ST3GAL2: variants seen among roughly 807,000 people sequenced by gnomAD.
ST3GAL2 encodes CMP-N-acetylneuraminate-beta-galactosamide-alpha-2,3-sialyltransferase 2.
ST3GAL2 carries 16 observed loss-of-function variants against 37.5 expected under a neutral mutation model. That is an observed-to-expected ratio of 0.43 (90% CI 0.29 to 0.65). ST3GAL2 has a LOEUF of 0.65. Ranked by LOEUF, ST3GAL2 falls within the 30% of genes least tolerant of loss-of-function variation. ST3GAL2 has a pLI of 0.17. For synonymous variants in ST3GAL2, 238 were observed against 202.9 expected, an observed-to-expected ratio of 1.17 and a Z score of -1.47; for missense variants, 383 against 487.8, an observed-to-expected ratio of 0.79 and a Z score of 2.02.
In ST3GAL2 at chr16:70,410,016, C is replaced by T. The variant is rs78319289; in HGVS notation, c.-1003-10483G>A. On this transcript the variant is annotated intron_variant, in intron 1 of 6. Transcript: ENST00000342907. ...TCCTGTTCTCAAATGATCCTCCCAA[C>T]GTGGCCTCCCAAAGAGCTGAGATTG... Among the ~76,000 whole-genome samples the T allele has an allele frequency of 7.5e-3, 1,137 of 151,550 alleles. 99 individuals carry two copies. In the East Asian group the frequency reaches 0.18, roughly 24 times the overall value.
chr16:70,408,924 A>AAAAAAAAAAAAAAG (rs2047615018), intron 1 of ST3GAL2, among the ~76,000 whole-genome samples: 1 of 135,366 alleles, frequency 7.4e-6, no homozygotes. Context: ...AAAAAAAAAA[A>AAAAAAAAAAAAAAG]AAAGAAAGAA....
At chr16:70,384,123 A>G (rs1257517818) in intron 4 of ST3GAL2, among the ~76,000 whole-genome samples, 1 of 152,166 alleles carries the variant, frequency 6.6e-6, no homozygotes, top group African/African-American at 2.4e-5. Flanking sequence ...CAAACATGAG[A>G]TAATGAACAT....
At position 70,398,335 on chromosome 16, in the gene ST3GAL2, A is replaced by G; in HGVS notation, c.196T>C (p.Ser66Pro). Residue 66 changes from serine to proline, a missense_variant, in exon 2 of 7, where the codon TCG becomes CCG. This residue lies in a region of ST3GAL2 where 223 missense variants were observed against 239.1 expected (regional missense o/e 0.93). Transcript: ENST00000342907. ...CGGCGACAGGCACAGCTCTTGCCCGAGAGCCTCTCCTTGCTGAGGCGCTGC... is the reference window on the plus strand; with the variant it reads ...CGGCGACAGGCACAGCTCTTGCCCGGGAGCCTCTCCTTGCTGAGGCGCTGC... ...GLQRLSKERLSGKSCACRRCM... is the reference protein window; with the variant it reads ...GLQRLSKERLPGKSCACRRCM... 2 of 1,613,470 alleles carry G rather than the reference A, an allele frequency of 1.2e-6. No individual in the cohort carries two copies. Among genetic ancestry groups the G allele is most frequent in the Non-Finnish European group, 1.7e-6 (2 of 1,180,036 alleles).
chr16:70,429,538 G>A lies in ST3GAL2; in HGVS notation c.-1004+9411C>T, dbSNP rs560077511. Among the ~76,000 whole-genome samples the A allele has an allele frequency of 1.4e-3, 186 of 136,536 alleles. 1 individual carries two copies. Among genetic ancestry groups the A allele is most frequent in the Non-Finnish European group, 2.4e-3 (155 of 65,782 alleles). 89.6% of individuals were successfully genotyped at this position (136,536 alleles called of 152,430 possible). On this transcript the variant is annotated intron_variant, in intron 1 of 6. Coordinates refer to ENST00000342907, the MANE Select transcript of ST3GAL2 (RefSeq NM_006927.4). ...CGGGAGGCGGAGCTTGCAGTGAGCC[G>A]AGATCGCGCCACTGCACTCCAGCCT...
chr16:70,438,793 C>A (rs2047845885), intron 1 of ST3GAL2, among the ~76,000 whole-genome samples, 156 bp downstream of exon 1: 2 of 151,904 alleles, frequency 1.3e-5, no homozygotes, highest in Non-Finnish European at 2.9e-5. Flanking sequence ...CCCGCCCACA[C>A]GAGGGAGCCC....
chr16:70,422,930 T>C (rs1183923672), intron 1 of ST3GAL2: 1 of 152,216 alleles, frequency 6.6e-6, no homozygotes, highest in African/African-American at 2.4e-5. Context: ...AGCGCTATTT[T>C]TGTTTTTCTG....
chr16:70,381,692 G>A lies in ST3GAL2; in HGVS notation c.1050C>T (p.Asn350=). The A allele has an allele frequency of 6.2e-7, 1 of 1,613,340 alleles. No individual in the cohort carries two copies. Among genetic ancestry groups the A allele is most frequent in the Non-Finnish European group, 8.5e-7 (1 of 1,179,674 alleles). The change falls in exon 7 of 7, where the codon AAC becomes AAT. Residue 350 remains asparagine (N), a synonymous_variant. Transcript: ENST00000342907. ...KASKIEVYRG[N] is the part of the protein sequence containing the mutation. ...AAGGGTCGCGGCGAGGCCCGGCTCA[G>A]TTGCCCCGGTAGACTTCGATCTTGC...
chr16:70,407,132 G>C (rs867623871), intron 1 of ST3GAL2, among the ~76,000 whole-genome samples: 4 of 150,996 alleles, frequency 2.6e-5, no homozygotes, highest in Admixed American at 6.6e-5. Context: ...GAGGTGGCAA[G>C]ACAACACTAT....
intron 1 of ST3GAL2, among the ~76,000 whole-genome samples, chr16:70,436,179 G>A (rs4548852): frequency 1.4e-5 from 2 of 146,346 alleles, no homozygotes; most frequent in African/African-American, 2.5e-5. Context: ...TGTAATCCCA[G>A]CACTTTGGGA....
chr16:70,406,060 CAA>C (rs879794963), intron 1 of ST3GAL2, among the ~76,000 whole-genome samples: 5 of 108,338 alleles, frequency 4.6e-5, no homozygotes, highest in Admixed American at 9.5e-5. Flanking sequence ...GACTCCGTCT[CAA>C]AAAAAAAAAA....
At position 70,398,240 on chromosome 16, in the gene ST3GAL2, C is replaced by G; in HGVS notation, c.291G>C (p.Trp97Cys). The change falls in exon 2 of 7, where the codon TGG becomes TGC. Residue 97 changes from tryptophan to cysteine, a missense_variant. Trp to Cys is a radical substitution (Grantham distance 215, BLOSUM62 -2). Transcript: ENST00000342907. ...SHFDGNISPV[W>C]TRENMDLPPD... is the part of the protein sequence containing the mutation. ...GTGGAAGATCCATGTTCTCTCGGGTCCAGACGGGGGAAATGTTACCGTCAA... is the reference window on the plus strand; with the variant it reads ...GTGGAAGATCCATGTTCTCTCGGGTGCAGACGGGGGAAATGTTACCGTCAA... 2.5e-6 allele frequency: 4 copies of G among 1,613,446 alleles called. No individual in the cohort carries two copies. The highest frequency in any genetic ancestry group is 3.4e-6 in the Non-Finnish European group (4 of 1,180,038).
intron 3 of ST3GAL2, 123 bp from the exon 4 acceptor site, chr16:70,388,669 C>G: frequency 1.9e-6 from 2 of 1,052,090 alleles, no homozygotes; most frequent in Non-Finnish European, 2.7e-6. Flanking sequence ...CCTAGCAATT[C>G]CATTGCTAGA....
intron 1 of ST3GAL2, among the ~76,000 whole-genome samples, chr16:70,410,995 T>G (rs2047634712): frequency 6.6e-6 from 1 of 152,070 alleles, no homozygotes; most frequent in African/African-American, 2.4e-5. Flanking sequence ...AGCAAGCCTG[T>G]CCCTTTTTCA....
intron 1 of ST3GAL2, among the ~76,000 whole-genome samples, chr16:70,414,877 T>A (rs576907836): frequency 4.6e-5 from 7 of 150,994 alleles, no homozygotes; most frequent in African/African-American, 7.3e-5. Context: ...TTATTTATTA[T>A]TTATTTATTT....
intron 1 of ST3GAL2, among the ~76,000 whole-genome samples, chr16:70,429,616 T>A (rs1477997494): frequency 8.8e-5 from 11 of 124,314 alleles, no homozygotes; most frequent in East Asian, 2.4e-4. Flanking sequence ...AAAGAGTGAA[T>A]CCCTGAGCAG....
At chr16:70,413,629 C>T (rs935791823) in intron 1 of ST3GAL2, among the ~76,000 whole-genome samples, 2 of 147,804 alleles carry the variant, frequency 1.4e-5, no homozygotes, top group Non-Finnish European at 3.0e-5. Flanking sequence ...CCAGCTACTC[C>T]GGAGGCTGAG....
At chr16:70,399,769 G>A (rs1001629463) in intron 1 of ST3GAL2, 2 of 243,908 alleles carry the variant, frequency 8.2e-6, no homozygotes, top group South Asian at 1.8e-4. Flanking sequence ...GAAGGTAAAC[G>A]AGTCAAGTGA....
intron 2 of ST3GAL2, among the ~76,000 whole-genome samples, chr16:70,395,780 C>G (rs1008100022): frequency 2.0e-5 from 3 of 152,150 alleles, no homozygotes; most frequent in Non-Finnish European, 4.4e-5. Context: ...TGCTTACAGG[C>G]CCAGCAAGTG....
chr16:70,413,713 G>A (rs192021856), intron 1 of ST3GAL2, among the ~76,000 whole-genome samples: 1 of 151,070 alleles, frequency 6.6e-6, no homozygotes, highest in African/African-American at 2.4e-5. Flanking sequence ...TCCAGCCTGG[G>A]CAACAAAAGC....
Sources: gnomAD v4.1 joint callset for allele counts (sites outside exome capture counted in the v4.1 genomes callset) on GRCh38, gnomAD v4.1.1 for gene constraint, gnomAD v4.1.1 regional missense constraint, MANE v1.5 for transcripts, NCBI Gene and HGNC (gene_info 2026-07-23, HGNC 2026-07-21) for gene names.